EYS: variants seen among roughly 807,000 people sequenced by gnomAD.
EYS encodes protein eyes shut homolog.
Under a neutral mutation model 282.1 loss-of-function variants are expected in EYS, and 250 were observed. The ratio of observed to expected loss-of-function variants is 0.89; its 90% confidence interval spans 0.80 to 0.98. EYS has a LOEUF of 0.98. Among genes scored for constraint, EYS ranks in the 50% least tolerant of loss-of-function variants. The pLI, the probability that EYS is intolerant of heterozygous loss-of-function variation, is 0.00. For missense variants in EYS, 4,016 were observed against 3,709.0 expected (o/e 1.08, Z -2.15); for synonymous variants, 1,355 against 1,282.9 (o/e 1.06, Z -1.20).
chr6:64,371,271 C>T (rs936686888), intron 29 of EYS, among the ~76,000 whole-genome samples: 52 of 149,530 alleles, frequency 3.5e-4, no homozygotes, highest in Admixed American at 9.3e-4. Flanking sequence ...TTTTTGTTTA[C>T]CCAGAAGTCA....
At chr6:64,437,976 A>G (rs1774809429) in intron 27 of EYS, among the ~76,000 whole-genome samples, 1 of 151,730 alleles carries the variant, frequency 6.6e-6, no homozygotes, top group Non-Finnish European at 1.5e-5. Flanking sequence ...TTCATATATT[A>G]GAATTATATA....
At chr6:64,839,273 T>C (rs911855490) in intron 19 of EYS, among the ~76,000 whole-genome samples, 7 of 152,044 alleles carry the variant, frequency 4.6e-5, no homozygotes, top group African/African-American at 1.7e-4. Context: ...AGTCATTAGA[T>C]AATTATCAAT....
At chr6:63,966,353 A>C (rs930026442) in intron 35 of EYS, among the ~76,000 whole-genome samples, 1 of 152,204 alleles carries the variant, frequency 6.6e-6, no homozygotes, top group African/African-American at 2.4e-5. Flanking sequence ...AAGGACTGTG[A>C]GGACTTGGGA....
At chr6:65,685,899 A>G (rs1389845402) in intron 1 of EYS, among the ~76,000 whole-genome samples, 1 of 152,050 alleles carries the variant, frequency 6.6e-6, no homozygotes, top group Non-Finnish European at 1.5e-5. Context: ...CATATAAAAT[A>G]TATTTGATCA....
At chr6:63,907,736 C>T (rs552149800) in intron 35 of EYS, among the ~76,000 whole-genome samples, 72 of 151,906 alleles carry the variant, frequency 4.7e-4, no homozygotes, top group African/African-American at 1.7e-3. Flanking sequence ...TATGTTGTTC[C>T]CATTAAGTAA....
At chr6:64,559,281 G>C (rs1213118220) in intron 26 of EYS, among the ~76,000 whole-genome samples, 1 of 150,758 alleles carries the variant, frequency 6.6e-6, no homozygotes, top group East Asian at 1.9e-4. Context: ...ATGTGTGTGT[G>C]TGTGTGTGTG....
At chr6:64,830,161 C>T (rs995041747) in intron 19 of EYS, among the ~76,000 whole-genome samples, 2 of 152,014 alleles carry the variant, frequency 1.3e-5, no homozygotes, top group African/African-American at 4.8e-5. Context: ...CATGTGAGGA[C>T]ATGGCTAGAA....
At chr6:64,911,244 G>C (rs758663671) in intron 16 of EYS, among the ~76,000 whole-genome samples, 14 of 151,940 alleles carry the variant, frequency 9.2e-5, no homozygotes, top group South Asian at 2.1e-4. Context: ...TGCTCCCCTT[G>C]TATTTTTTCG....
At chr6:65,257,123 T>C (rs1264689599) in intron 12 of EYS, among the ~76,000 whole-genome samples, 2 of 66,802 alleles carry the variant, frequency 3.0e-5, no homozygotes, top group African/African-American at 1.7e-4. Context: ...GGTTGTTTGT[T>C]TTTTTCTTGT....
At chr6:64,640,804 A>G (rs1279548690) in intron 22 of EYS, among the ~76,000 whole-genome samples, 1 of 152,202 alleles carries the variant, frequency 6.6e-6, no homozygotes. Flanking sequence ...AAACAAAAAT[A>G]GCTTTGTATT....
chr6:64,846,288 G>C (rs1765711384), intron 19 of EYS, among the ~76,000 whole-genome samples: 1 of 152,114 alleles, frequency 6.6e-6, no homozygotes, highest in Non-Finnish European at 1.5e-5. Context: ...TGTTCTGCAG[G>C]GAGAATACAG....
At chr6:64,997,411 T>C (rs1035401345) in intron 14 of EYS, among the ~76,000 whole-genome samples, 171 bp downstream of exon 14, 1 of 150,874 alleles carries the variant, frequency 6.6e-6, no homozygotes, top group East Asian at 1.9e-4. Context: ...TTTACTACCT[T>C]TAAGTTAAAA....
chr6:65,690,660 G>C (rs1769209369), intron 1 of EYS, among the ~76,000 whole-genome samples: 1 of 148,812 alleles, frequency 6.7e-6, no homozygotes, highest in Non-Finnish European at 1.5e-5. Context: ...CGTAGCAATA[G>C]TTTCACGGGG....
chr6:64,606,633 C>T (rs1159042874), intron 24 of EYS, among the ~76,000 whole-genome samples: 1 of 152,022 alleles, frequency 6.6e-6, no homozygotes, highest in Non-Finnish European at 1.5e-5. Context: ...CTTCTGAACA[C>T]TTTCAAGCCT....
At chr6:64,751,115 T>A (rs187645887) in intron 22 of EYS, among the ~76,000 whole-genome samples, 18 of 151,456 alleles carry the variant, frequency 1.2e-4, no homozygotes, top group Non-Finnish European at 2.1e-4. Flanking sequence ...CCAACCTGGA[T>A]TAGGAGCTTG....
At chr6:65,230,587 A>G (rs1426359696) in intron 12 of EYS, among the ~76,000 whole-genome samples, 1 of 151,892 alleles carries the variant, frequency 6.6e-6, no homozygotes, top group African/African-American at 2.4e-5. Context: ...TCAACAATGC[A>G]AAATTTATTT....
At chr6:64,272,819 G>T (rs1767987218) in intron 30 of EYS, among the ~76,000 whole-genome samples, 1 of 151,910 alleles carries the variant, frequency 6.6e-6, no homozygotes, top group Admixed American at 6.6e-5. Flanking sequence ...TTTCAATAAG[G>T]TTTTATAATC....
intron 12 of EYS, among the ~76,000 whole-genome samples, chr6:65,188,764 CAAAAAA>C (rs777137794): frequency 4.2e-4 from 33 of 78,750 alleles, no homozygotes; most frequent in African/African-American, 1.4e-3. Context: ...TTATTGCATG[CAAAAAA>C]AAAAAAAAAA....
intron 12 of EYS, among the ~76,000 whole-genome samples, chr6:65,206,753 C>T (rs1376039208): frequency 6.6e-6 from 1 of 151,720 alleles, no homozygotes; most frequent in Non-Finnish European, 1.5e-5. Flanking sequence ...CCACCACATA[C>T]ACCAAATTAA....
Sources: allele counts gnomAD v4.1 joint callset (sites outside exome capture counted in the v4.1 genomes callset), GRCh38; gene constraint gnomAD v4.1.1; transcripts MANE v1.5; gene names NCBI Gene and HGNC (gene_info 2026-07-23, HGNC 2026-07-21).